The following RIMS2 variants were observed in gnomAD, a reference collection of about 807,000 sequenced individuals.
RIMS2 encodes the protein regulating synaptic membrane exocytosis protein 2.
RIMS2 carries 59 observed loss-of-function variants against 174.4 expected under a neutral mutation model. The observed-to-expected ratio is 0.34, with a 90% CI of 0.27 to 0.42. The LOEUF (loss-of-function observed/expected upper bound fraction) is 0.42, where lower values mean the gene tolerates loss of function less well. Ranked by LOEUF, RIMS2 falls within the 10% of genes least tolerant of loss-of-function variation. The pLI is 1.00. For synonymous variants in RIMS2, 606 were observed against 572.5 expected (o/e 1.06, Z -0.84); for missense variants, 1,620 against 1,666.3 (o/e 0.97, Z 0.48).
At chr8:103,639,385 T>A (rs972537687) in intron 1 of RIMS2, among the ~76,000 whole-genome samples, 1 of 151,936 alleles carries the variant, frequency 6.6e-6, no homozygotes, top group Non-Finnish European at 1.5e-5. Context: ...AACATGTAAT[T>A]ATCCAGCAAC....
At chr8:104,026,587 AC>A (rs1356480235) in intron 19 of RIMS2, among the ~76,000 whole-genome samples, 2 of 152,192 alleles carry the variant, frequency 1.3e-5, no homozygotes, top group African/African-American at 4.8e-5. Context: ...TACAATTTCT[AC>A]ATTGTTTCAA....
intron 3 of RIMS2, among the ~76,000 whole-genome samples, chr8:103,800,438 A>G (rs1020082909): frequency 1.3e-5 from 2 of 152,150 alleles, no homozygotes; most frequent in Middle Eastern, 3.2e-3. Flanking sequence ...TGAGTCTTTC[A>G]CAATCAAATG....
At chr8:103,587,647 TAA>T (rs2094026397) in intron 1 of RIMS2, among the ~76,000 whole-genome samples, 1 of 151,924 alleles carries the variant, frequency 6.6e-6, no homozygotes, top group African/African-American at 2.4e-5. Context: ...ATCAAGAGAA[TAA>T]AGGATAAAAA....
At chr8:104,184,594 A>T (rs562087292) in intron 19 of RIMS2, among the ~76,000 whole-genome samples, 92 of 151,668 alleles carry the variant, frequency 6.1e-4, no homozygotes, top group African/African-American at 2.0e-3. Flanking sequence ...TATAGACCTC[A>T]TTCTGTAGGA....
chr8:103,653,003 G>A (rs528194966), intron 1 of RIMS2, among the ~76,000 whole-genome samples: 2 of 152,174 alleles, frequency 1.3e-5, no homozygotes, highest in South Asian at 2.1e-4. Flanking sequence ...TATAACTAGA[G>A]TGTGTTTCTT....
chr8:103,931,928 T>G (rs1049261770), intron 12 of RIMS2, among the ~76,000 whole-genome samples: 1 of 152,106 alleles, frequency 6.6e-6, no homozygotes, highest in African/African-American at 2.4e-5. Context: ...CAAGCATTAT[T>G]TGTTTTGTGT....
intron 19 of RIMS2, among the ~76,000 whole-genome samples, chr8:104,165,455 T>C (rs541849003): frequency 1.5e-4 from 23 of 152,252 alleles, no homozygotes; most frequent in Non-Finnish European, 2.4e-4. Flanking sequence ...GCGGGAAAAA[T>C]TGTAAAATGT....
chr8:103,790,034 T>C (rs2098482730), intron 3 of RIMS2, among the ~76,000 whole-genome samples: 2 of 152,186 alleles, frequency 1.3e-5, no homozygotes. Context: ...AGTGGTGGGA[T>C]TACAGGTATG....
chr8:104,068,585 C>A (rs750153606), intron 19 of RIMS2: 2 of 1,561,254 alleles, frequency 1.3e-6, no homozygotes, highest in African/African-American at 1.3e-5. Flanking sequence ...GATCAGATCC[C>A]AGACTGGAAC....
intron 2 of RIMS2, among the ~76,000 whole-genome samples, chr8:103,749,268 C>G (rs932414182): frequency 2.0e-5 from 3 of 151,818 alleles, no homozygotes; most frequent in Non-Finnish European, 4.4e-5. Context: ...TCCGCCAGCA[C>G]GCCCGGCTAA....
intron 20 of RIMS2, among the ~76,000 whole-genome samples, chr8:104,247,592 A>G (rs1474943205): frequency 3.3e-5 from 5 of 152,222 alleles, no homozygotes; most frequent in Admixed American, 3.3e-4. Flanking sequence ...AGGAAGAAAG[A>G]TGGCTCCAAG....
At position 103,875,067 on chromosome 8, in the gene RIMS2, T is replaced by C. The variant is rs529959896; in HGVS notation, c.699-10231T>C. Among the ~76,000 whole-genome samples, 4 of 152,156 alleles carry C rather than the reference T, an allele frequency of 2.6e-5. No homozygotes were observed. In the East Asian group the frequency reaches 7.7e-4, roughly 29 times the overall value. ...AAGAAGCTGGCAAGAAGATGAGAGC[T>C]TTATTGAAGAGAGATTTACTTCAAG... On this transcript the variant is annotated intron_variant, in intron 3 of 23. Coordinates refer to ENST00000504942, the Ensembl canonical transcript of RIMS2.
intron 1 of RIMS2, among the ~76,000 whole-genome samples, chr8:103,682,639 T>G (rs1251084123): frequency 6.6e-6 from 1 of 152,160 alleles, no homozygotes; most frequent in Non-Finnish European, 1.5e-5. Context: ...AATTAACTCC[T>G]GAGTCTGCCC....
chr8:103,816,215 G>A (rs1460775794), intron 3 of RIMS2, among the ~76,000 whole-genome samples: 2 of 152,062 alleles, frequency 1.3e-5, no homozygotes, highest in Non-Finnish European at 2.9e-5. Context: ...GACCCTTATA[G>A]AAGATGATGT....
intron 10 of RIMS2, among the ~76,000 whole-genome samples, chr8:103,922,200 T>A (rs1227986563): frequency 6.6e-6 from 1 of 152,022 alleles, no homozygotes; most frequent in East Asian, 1.9e-4. Flanking sequence ...TAAGGATATT[T>A]GGTGTCAGCT....
chr8:103,860,664 A>C (rs1564962130), intron 3 of RIMS2, among the ~76,000 whole-genome samples: 1 of 151,548 alleles, frequency 6.6e-6, no homozygotes, highest in Admixed American at 6.6e-5. Flanking sequence ...TAGGAGGTAA[A>C]CTAGAGATTA....
intron 19 of RIMS2, among the ~76,000 whole-genome samples, chr8:104,078,768 T>G (rs1457324436): frequency 6.6e-6 from 1 of 152,244 alleles, no homozygotes; most frequent in East Asian, 1.9e-4. Context: ...TGTTTTGCTT[T>G]GAACTTTTTA....
At position 103,766,210 on chromosome 8, in the gene RIMS2, T is replaced by A; in HGVS notation, c.388-17T>A. On this transcript the variant is annotated splice_polypyrimidine_tract_variant and intron_variant, in intron 2 of 23. Transcript: ENST00000504942. ...TTTGGGAACACTAATTTTTTCCCCC[T>A]ATGTCTTCATGTGCAGGTTATGTGG... 1 of 1,569,338 alleles carries A rather than the reference T, an allele frequency of 6.4e-7. No individual in the cohort carries two copies. The highest frequency in any genetic ancestry group is 1.2e-5 in the South Asian group (1 of 85,474).
intron 19 of RIMS2, among the ~76,000 whole-genome samples, chr8:104,051,781 TTATC>T (rs2096791482): frequency 1.3e-5 from 2 of 152,176 alleles, no homozygotes; most frequent in African/African-American, 2.4e-5. Flanking sequence ...CTTGTGTAAA[TTATC>T]TAATAAGTAA....
Sources: gnomAD v4.1 joint callset for allele counts (sites outside exome capture counted in the v4.1 genomes callset) on GRCh38, gnomAD v4.1.1 for gene constraint, MANE v1.5 for transcripts, NCBI Gene and HGNC (gene_info 2026-07-23, HGNC 2026-07-21) for gene names.